The following CBLB variants were observed in gnomAD, a reference collection of about 807,000 sequenced individuals.
CBLB encodes Cbl proto-oncogene B, also known as E3 ubiquitin-protein ligase CBL-B.
A neutral mutation model predicts 104.9 loss-of-function variants in CBLB; 31 were observed. The ratio of observed to expected loss-of-function variants is 0.30; its 90% CI spans 0.22 to 0.40. The LOEUF (loss-of-function observed/expected upper bound fraction) is 0.40. Ranked by LOEUF, CBLB falls within the 10% of genes least tolerant of loss-of-function variation. The pLI, the probability that CBLB is intolerant of heterozygous loss-of-function variation, is 1.00. For missense variants in CBLB, 1,062 were observed against 1,214.6 expected (o/e 0.87, Z 1.87); for synonymous variants, 440 against 422.6 (o/e 1.04, Z -0.51).
In CBLB at chr3:105,720,258, A is replaced by G. The variant is rs777710830; in HGVS notation, c.1204-8T>C. 6.2e-7 allele frequency: 1 copy of G among 1,606,728 alleles called. No individual in the cohort carries two copies. The highest frequency in any genetic ancestry group is 1.7e-5 in the Admixed American group (1 of 59,588). On this transcript the variant is annotated splice_polypyrimidine_tract_variant and splice_region_variant and intron_variant, in intron 9 of 18. Transcript: ENST00000394030. ...GCCCTGACCATCCGACTCCTAAACA[A>G]ATAGAAAATGCATGGATTGGTTTTG...
chr3:105,736,733 G>C (rs2074992928), intron 8 of CBLB, among the ~76,000 whole-genome samples: 1 of 151,940 alleles, frequency 6.6e-6, no homozygotes, highest in South Asian at 2.1e-4. Context: ...TCTCAAGAAA[G>C]GTTTTACCAA....
intron 3 of CBLB, among the ~76,000 whole-genome samples, chr3:105,799,179 A>T (rs2082564250): frequency 6.9e-6 from 1 of 144,884 alleles, no homozygotes; most frequent in Non-Finnish European, 1.5e-5. Flanking sequence ...ACAAAGAACA[A>T]AAAAAAAAAA....
intron 7 of CBLB, among the ~76,000 whole-genome samples, chr3:105,738,644 G>C (rs945969801): frequency 2.0e-5 from 3 of 151,832 alleles, no homozygotes; most frequent in Non-Finnish European, 4.4e-5. Context: ...AAGGTTAAAG[G>C]TTCTTTTTAA....
intron 3 of CBLB, among the ~76,000 whole-genome samples, chr3:105,785,781 C>T (rs1161334606): frequency 6.6e-6 from 1 of 152,114 alleles, no homozygotes; most frequent in Non-Finnish European, 1.5e-5. Context: ...ACCTCTTCCC[C>T]AGGATTAAAA....
At chr3:105,707,800 C>T (rs900648404) in intron 10 of CBLB, among the ~76,000 whole-genome samples, 1 of 151,910 alleles carries the variant, frequency 6.6e-6, no homozygotes, top group African/African-American at 2.4e-5. Flanking sequence ...TTCAGGACAT[C>T]AAAATTTATC....
chr3:105,740,760 GTCT>G, intron 6 of CBLB, 129 bp from the exon 7 acceptor site: 1 of 782,914 alleles, frequency 1.3e-6, no homozygotes, highest in Non-Finnish European at 2.2e-6. Context: ...CTCATATTCT[GTCT>G]TCTAACTTAT....
At chr3:105,806,595 A>T (rs1248980375) in intron 3 of CBLB, among the ~76,000 whole-genome samples, 3 of 152,088 alleles carry the variant, frequency 2.0e-5, no homozygotes, top group Non-Finnish European at 4.4e-5. Flanking sequence ...AGCTTTGCCA[A>T]ATAGCTGGCT....
At chr3:105,690,053 T>C (rs988219744) in intron 13 of CBLB, among the ~76,000 whole-genome samples, 1 of 152,124 alleles carries the variant, frequency 6.6e-6, no homozygotes, top group Non-Finnish European at 1.5e-5. Flanking sequence ...TCTGACATCA[T>C]GTAAATGGGA....
At chr3:105,711,279 GAGA>G in intron 10 of CBLB, among the ~76,000 whole-genome samples, 1 of 152,070 alleles carries the variant, frequency 6.6e-6, no homozygotes, top group East Asian at 1.9e-4. Flanking sequence ...TAAGGATGAT[GAGA>G]AGGACTCAGA....
upstream of CBLB, chr3:105,869,234 G>T: frequency 1.5e-6 from 1 of 658,428 alleles, no homozygotes; most frequent in Non-Finnish European, 2.6e-6. Flanking sequence ...CGTCAGAAAG[G>T]AATTGGACTC....
rs1281282093 is a variant in CBLB at position 105,656,925 on chromosome 3, C to T, written c.*2045G>A. On this transcript the variant is annotated 3_prime_UTR_variant, in exon 19 of 19. Transcript: ENST00000394030. ...CAAGTGAAAAATCATAATGACAAAA[C>T]AGGGGTTCATAAAGCAAAAGAAAAT... The T allele has an allele frequency of 4.6e-6, 1 of 215,210 alleles. No individual in the cohort carries two copies. Among genetic ancestry groups the T allele is most frequent in the Non-Finnish European group, 9.4e-6 (1 of 106,788 alleles). 13.3% of individuals were successfully genotyped at this position (215,210 alleles called of 1,614,324 possible).
At chr3:105,850,447 T>C (rs966627554) in intron 3 of CBLB, among the ~76,000 whole-genome samples, 1 of 152,116 alleles carries the variant, frequency 6.6e-6, no homozygotes, top group Admixed American at 6.5e-5. Flanking sequence ...TACAGAGAGG[T>C]TAAGAGTCTC....
chr3:105,835,088 T>G (rs2088239989), intron 3 of CBLB, among the ~76,000 whole-genome samples: 1 of 152,216 alleles, frequency 6.6e-6, no homozygotes, highest in Admixed American at 6.5e-5. Flanking sequence ...TTTATCTTCA[T>G]TTTAACTGCA....
chr3:105,748,235 C>T (rs2076287593), intron 5 of CBLB, among the ~76,000 whole-genome samples: 1 of 152,026 alleles, frequency 6.6e-6, no homozygotes, highest in Non-Finnish European at 1.5e-5. Flanking sequence ...AGACAAGTCC[C>T]TCCATTCTCC....
chr3:105,751,494 A>T lies in CBLB; in HGVS notation c.691T>A (p.Phe231Ile). ...AGCCTGGTAAAAATATCAAATTCAA[A>T]AACTGAAATGTAATCATTGCAAGTT... is the stretch of plus-strand genomic sequence containing the variant. ...DLTCNDYISV[F>I]EFDIFTRLFQ... Residue 231 changes from phenylalanine (F) to isoleucine (I), a missense_variant, in exon 5 of 19, where the codon TTT (phenylalanine) becomes ATT (isoleucine). Phe to Ile is a conservative substitution (Grantham distance 21). Transcript: ENST00000394030. 6.2e-7 allele frequency: 1 copy of T among 1,611,862 alleles called. No homozygotes were observed. Among genetic ancestry groups the T allele is most frequent in the Non-Finnish European group, 8.5e-7 (1 of 1,178,086 alleles).
chr3:105,720,612 A>T (rs2072666865), intron 9 of CBLB, among the ~76,000 whole-genome samples: 1 of 152,214 alleles, frequency 6.6e-6, no homozygotes, highest in African/African-American at 2.4e-5. Flanking sequence ...AAAAGAGTGC[A>T]GTACTAACCA....
rs879315813 is a variant in CBLB at position 105,749,706 on chromosome 3, A to G, written c.723+1756T>C. On this transcript the variant is annotated intron_variant, in intron 5 of 18. Transcript: ENST00000394030. Reference sequence around the variant, plus strand: ...AAGGTGAAGAAGCAAAGCTCTTACTATTTAGAATGTCTTTGTATCATGTTA... The same window carrying G: ...AAGGTGAAGAAGCAAAGCTCTTACTGTTTAGAATGTCTTTGTATCATGTTA... 5 of 255,158 alleles carry G rather than the reference A, an allele frequency of 2.0e-5. No homozygotes were observed. The Admixed American group carries it at 2.6e-4, about 13-fold the overall frequency. The allele number at this position is 255,158 out of a possible 1,614,324, so 15.8% of individuals were successfully genotyped here. A position where few individuals can be genotyped will look rare whatever the true frequency, so the allele number is the denominator to read the frequency against.
rs1021667012 is a variant in CBLB, at chr3:105,752,796, C to T, written c.567-1178G>A. 7.2e-5 allele frequency among the ~76,000 whole-genome samples: 11 copies of T among 152,278 alleles called. 1 individual carries two copies. In the East Asian group the frequency reaches 2.1e-3, roughly 29 times the overall value. On this transcript the variant is annotated intron_variant, in intron 4 of 18. Coordinates refer to ENST00000394030, the MANE Select transcript of CBLB (RefSeq NM_170662.5). Reference sequence around the variant, plus strand: ...TATCTGAAGGGCTTGTTAACATAGCCTGATCCTCAACCCAAGATATTATGA... The same window carrying T: ...TATCTGAAGGGCTTGTTAACATAGCTTGATCCTCAACCCAAGATATTATGA...
intron 13 of CBLB, among the ~76,000 whole-genome samples, chr3:105,688,053 T>C (rs972881895): frequency 3.9e-5 from 6 of 152,104 alleles, no homozygotes; most frequent in Non-Finnish European, 7.4e-5. Context: ...TCATTATCTA[T>C]CCATGTATGT....
Sources: gnomAD v4.1 joint callset for allele counts (sites outside exome capture counted in the v4.1 genomes callset) on GRCh38, gnomAD v4.1.1 for gene constraint, MANE v1.5 for transcripts, NCBI Gene and HGNC (gene_info 2026-07-23, HGNC 2026-07-21) for gene names.